The following ADGRL3 variants were observed in gnomAD, a reference collection of about 807,000 sequenced individuals.
ADGRL3 encodes calcium-independent alpha-latrotoxin receptor 3.
A neutral mutation model predicts 153.5 loss-of-function variants in ADGRL3; 62 were observed. The observed-to-expected ratio is 0.40, with a 90% confidence interval of 0.33 to 0.50. The LOEUF (loss-of-function observed/expected upper bound fraction) is 0.50. ADGRL3 is among the 20% of genes least tolerant of loss of function. The pLI is 0.47. For synonymous variants in ADGRL3, 710 were observed against 672.5 expected, an observed-to-expected ratio of 1.06 and a Z score of -0.86; for missense variants, 1,641 against 1,859.4, an observed-to-expected ratio of 0.88 and a Z score of 2.16.
chr4:61,597,835 C>G (rs780235565), intron 5 of ADGRL3, among the ~76,000 whole-genome samples: 10 of 151,936 alleles, frequency 6.6e-5, no homozygotes, highest in Non-Finnish European at 8.8e-5. Flanking sequence ...CTTTCTCTCT[C>G]CAAACCACAA....
chr4:61,985,443 GA>G (rs2150902243), intron 19 of ADGRL3, among the ~76,000 whole-genome samples: 1 of 152,114 alleles, frequency 6.6e-6, no homozygotes, highest in East Asian at 1.9e-4. Context: ...GAACACTATG[GA>G]AAATGTGCTA....
intron 4 of ADGRL3, among the ~76,000 whole-genome samples, chr4:61,528,772 T>C (rs755492130): frequency 2.0e-5 from 3 of 152,130 alleles, no homozygotes; most frequent in Admixed American, 1.3e-4. Context: ...CATGCTGCAA[T>C]ATCAAAATTC....
chr4:61,915,886 G>C (rs529467184), intron 13 of ADGRL3, among the ~76,000 whole-genome samples: 1 of 152,132 alleles, frequency 6.6e-6, no homozygotes, highest in East Asian at 1.9e-4. Context: ...TTTGAAATAA[G>C]ATGATTTCTA....
chr4:61,850,669 G>T (rs1053954402), intron 9 of ADGRL3, among the ~76,000 whole-genome samples: 3 of 152,078 alleles, frequency 2.0e-5, no homozygotes, highest in Non-Finnish European at 4.4e-5. Flanking sequence ...TTGCAGCATT[G>T]TAAACTTAAA....
rs1746000062 is a variant in ADGRL3 at position 62,072,477 on chromosome 4, A to T, written c.*1569A>T. The T allele has an allele frequency of 6.6e-6, 1 of 152,614 alleles. No individual in the cohort carries two copies. Among genetic ancestry groups the T allele is most frequent in the South Asian group, 2.1e-4 (1 of 4,834 alleles). The allele number at this position is 152,614 out of a possible 1,614,324, so 9.5% of individuals were successfully genotyped here. A position where few individuals can be genotyped will look rare whatever the true frequency, so the allele number is the denominator to read the frequency against. ...TGATGTATGTACTATATGATTAATCAGTCTTTTTATTTTTCTCGCCTTTCT... is the reference window on the plus strand; with the variant it reads ...TGATGTATGTACTATATGATTAATCTGTCTTTTTATTTTTCTCGCCTTTCT... On this transcript the variant is annotated 3_prime_UTR_variant, in exon 27 of 27. Coordinates refer to ENST00000683033, the MANE Select transcript of ADGRL3 (RefSeq NM_001387552.1).
chr4:61,347,430 C>T (rs1028177418), intron 1 of ADGRL3, among the ~76,000 whole-genome samples: 1 of 152,032 alleles, frequency 6.6e-6, no homozygotes, highest in African/African-American at 2.4e-5. Flanking sequence ...AACACACCAT[C>T]CTAGTATTCA....
At chr4:61,622,337 A>T (rs1201555977) in intron 5 of ADGRL3, among the ~76,000 whole-genome samples, 1 of 152,176 alleles carries the variant, frequency 6.6e-6, no homozygotes, top group Non-Finnish European at 1.5e-5. Context: ...TTAAACAAAA[A>T]TGTCCATATA....
intron 25 of ADGRL3, among the ~76,000 whole-genome samples, chr4:62,045,821 G>A (rs550743525): frequency 3.9e-5 from 6 of 151,946 alleles, no homozygotes; most frequent in South Asian, 4.1e-4. Flanking sequence ...CGAAGAAAAC[G>A]TATTAAAATA....
intron 2 of ADGRL3, among the ~76,000 whole-genome samples, chr4:61,440,621 T>A (rs1393451488): frequency 6.6e-6 from 1 of 152,164 alleles, no homozygotes; most frequent in Non-Finnish European, 1.5e-5. Flanking sequence ...GAGGCTAGAA[T>A]CTACAGATGG....
At chr4:61,549,973 A>G (rs1314984416) in intron 4 of ADGRL3, among the ~76,000 whole-genome samples, 1 of 151,996 alleles carries the variant, frequency 6.6e-6, no homozygotes, top group Non-Finnish European at 1.5e-5. Flanking sequence ...AGAAGTATAC[A>G]TTTAAAAATT....
intron 5 of ADGRL3, among the ~76,000 whole-genome samples, chr4:61,589,290 A>G (rs796443006): frequency 1.3e-5 from 2 of 152,258 alleles, no homozygotes; most frequent in Admixed American, 6.5e-5. Context: ...TGTTAAATGT[A>G]CTAGATTTAG....
intron 13 of ADGRL3, among the ~76,000 whole-genome samples, chr4:61,930,137 C>G (rs2098811628): frequency 6.7e-6 from 1 of 148,846 alleles, no homozygotes; most frequent in African/African-American, 2.5e-5. Context: ...GATCGTGCCA[C>G]TGCACTCCAG....
At chr4:61,531,439 GT>G (rs1179282925) in intron 4 of ADGRL3, among the ~76,000 whole-genome samples, 5 of 152,162 alleles carry the variant, frequency 3.3e-5, no homozygotes, top group Non-Finnish European at 7.4e-5. Flanking sequence ...GCGTCATTCT[GT>G]GGCAGCCTCA....
intron 6 of ADGRL3, among the ~76,000 whole-genome samples, chr4:61,690,712 T>G (rs1185880287): frequency 1.3e-5 from 2 of 152,020 alleles, no homozygotes. Context: ...TTTTTTTTCC[T>G]CTTGGATTCA....
chr4:61,635,687 C>T (rs2093390517), intron 5 of ADGRL3, among the ~76,000 whole-genome samples: 1 of 152,070 alleles, frequency 6.6e-6, no homozygotes, highest in Non-Finnish European at 1.5e-5. Context: ...CTGCCATAAC[C>T]AAGAACCTCA....
chr4:61,929,721 C>T (rs2098809449), intron 13 of ADGRL3, among the ~76,000 whole-genome samples: 1 of 152,138 alleles, frequency 6.6e-6, no homozygotes. Flanking sequence ...AAATATGAGA[C>T]ATCTTTAGAT....
At chr4:62,044,214 A>G (rs576707531) in intron 24 of ADGRL3, among the ~76,000 whole-genome samples, 1 of 152,052 alleles carries the variant, frequency 6.6e-6, no homozygotes, top group South Asian at 2.1e-4. Context: ...TTCTTTTTTC[A>G]TGGTTATAAT....
intron 6 of ADGRL3, among the ~76,000 whole-genome samples, chr4:61,693,105 T>TTTA (rs2095570880): frequency 1.3e-5 from 2 of 151,996 alleles, no homozygotes; most frequent in Non-Finnish European, 2.9e-5. Context: ...AATAGGTTTT[T>TTTA]TTATTATTAT....
intron 24 of ADGRL3, among the ~76,000 whole-genome samples, chr4:62,043,979 A>T (rs569979333): frequency 6.6e-6 from 1 of 152,016 alleles, no homozygotes; most frequent in African/African-American, 2.4e-5. Flanking sequence ...ATAATGTTCT[A>T]TTTTCTTTTC....
Sources: gnomAD v4.1 joint callset for allele counts (sites outside exome capture counted in the v4.1 genomes callset) on GRCh38, gnomAD v4.1.1 for gene constraint, MANE v1.5 for transcripts, NCBI Gene and HGNC (gene_info 2026-07-23, HGNC 2026-07-21) for gene names.